Variants in MCC observed in about 807,000 individuals in gnomAD.
MCC encodes MCC regulator of Wnt signaling pathway.
In MCC, 90 loss-of-function variants were observed where a neutral mutation model predicts 116.2. That is an observed-to-expected ratio of 0.77 (90% confidence interval 0.65 to 0.92). The LOEUF (loss-of-function observed/expected upper bound fraction) is 0.92. Among genes scored for constraint, MCC ranks in the 40% least tolerant of loss-of-function variants. The pLI, the probability that MCC is intolerant of heterozygous loss-of-function variation, is 0.00. For missense variants in MCC, 1,516 were observed against 1,312.2 expected (o/e 1.16, Z -2.40); for synonymous variants, 578 against 510.5 (o/e 1.13, Z -1.78).
At chr5:113,194,619 C>A (rs1762304482) in intron 3 of MCC, among the ~76,000 whole-genome samples, 1 of 152,024 alleles carries the variant, frequency 6.6e-6, no homozygotes, top group African/African-American at 2.4e-5. Context: ...GATTACATCA[C>A]TGCACTTCAT....
intron 17 of MCC, among the ~76,000 whole-genome samples, chr5:113,042,221 C>T (rs1751753987): frequency 1.3e-5 from 2 of 149,548 alleles, no homozygotes; most frequent in Non-Finnish European, 3.0e-5. Context: ...CCTGTAATCC[C>T]AACATTTTGG....
chr5:113,192,935 G>T (rs781172501), intron 3 of MCC, among the ~76,000 whole-genome samples: 1 of 152,216 alleles, frequency 6.6e-6, no homozygotes, highest in Non-Finnish European at 1.5e-5. Flanking sequence ...CATGTTTATT[G>T]TCTACAGCTC....
At chr5:113,090,297 C>A (rs1423189083) in intron 8 of MCC, among the ~76,000 whole-genome samples, 1 of 151,540 alleles carries the variant, frequency 6.6e-6, no homozygotes, top group Non-Finnish European at 1.5e-5. Context: ...TCTATTTTCT[C>A]TGCTAGGCAT....
At chr5:113,426,520 C>A (rs941028624) in intron 1 of MCC, among the ~76,000 whole-genome samples, 5 of 152,166 alleles carry the variant, frequency 3.3e-5, no homozygotes, top group Non-Finnish European at 7.3e-5. Flanking sequence ...TAGGTGTCAT[C>A]ATTTCCTACT....
chr5:113,106,382 G>A (rs900543329), intron 6 of MCC, among the ~76,000 whole-genome samples: 2 of 148,646 alleles, frequency 1.3e-5, no homozygotes, highest in Non-Finnish European at 3.0e-5. Context: ...CATTCACTAT[G>A]CCCCATTCAC....
Position 113,276,061 on chromosome 5 carries a change from CAAGGCCACA to C in MCC, c.627+64449_627+64457del, listed in dbSNP as rs147692470. ...CAAAGGCCACAGGTGGCAAGAATCT[CAAGGCCACA>C]GTGGCCACATTGATTCTGGCCCCAA... On this transcript the variant is annotated intron_variant, in intron 3 of 18. Transcript: ENST00000408903. Among the ~76,000 whole-genome samples, 589 of 150,558 alleles carry C rather than the reference CAAGGCCACA, an allele frequency of 3.9e-3. 4 individuals carry two copies. The highest frequency in any genetic ancestry group is 0.013 in the African/African-American group (545 of 40,918).
At chr5:113,040,129 C>T (rs1045125862) in intron 17 of MCC, among the ~76,000 whole-genome samples, 4 of 151,424 alleles carry the variant, frequency 2.6e-5, no homozygotes, top group African/African-American at 4.9e-5. Flanking sequence ...AAATGTTCAC[C>T]GAAGTAGGGG....
rs1254480524 is a variant in MCC, at chr5:113,434,388, T to G, written c.171-49176A>C. The G allele has an allele frequency of 6.2e-7, 1 of 1,613,728 alleles. No individual in the cohort carries two copies. The highest frequency in any genetic ancestry group is 8.5e-7 in the Non-Finnish European group (1 of 1,179,952). On this transcript the variant is annotated intron_variant, in intron 1 of 18. Coordinates refer to ENST00000408903, the MANE Select transcript of MCC (RefSeq NM_001085377.2). This position sits in a 1 kb window ranked among gnomAD's most constrained non-coding sequence, Gnocchi z 4.2. ...CTTGGAGAAGCTGAAGTCGGACAGC[T>G]TGATGTTGAAGTCCTTGTCAAGGAG...
At chr5:113,222,723 T>C (rs1323059609) in intron 3 of MCC, among the ~76,000 whole-genome samples, 1 of 152,214 alleles carries the variant, frequency 6.6e-6, no homozygotes, top group Non-Finnish European at 1.5e-5. Context: ...GTTTGACTTA[T>C]GGGGCAATGA....
chr5:113,134,555 C>CTTTTTTTTTTTTTTTT, intron 5 of MCC, among the ~76,000 whole-genome samples: 1 of 30,126 alleles, frequency 3.3e-5, no homozygotes, highest in Non-Finnish European at 6.0e-5. Flanking sequence ...GCTATTTGGG[C>CTTTTTTTTTTTTTTTT]TTTTTTTTTT....
At chr5:113,083,550 C>G (rs572728572) in intron 10 of MCC, among the ~76,000 whole-genome samples, 7 of 152,206 alleles carry the variant, frequency 4.6e-5, no homozygotes, top group Non-Finnish European at 8.8e-5. Context: ...ATCCCCAATC[C>G]TAAAAGATCC....
intron 5 of MCC, among the ~76,000 whole-genome samples, chr5:113,140,262 A>T (rs1581143164): frequency 6.6e-6 from 1 of 152,260 alleles, no homozygotes; most frequent in East Asian, 1.9e-4. Context: ...CCTGGGATGA[A>T]ATAGTTACAG....
intron 3 of MCC, among the ~76,000 whole-genome samples, chr5:113,263,268 G>A (rs567125265): frequency 2.0e-5 from 3 of 152,294 alleles, no homozygotes; most frequent in South Asian, 2.1e-4. Context: ...AAATCTATGC[G>A]ACTGTGATGG....
At chr5:113,261,460 G>A (rs1447216755) in intron 3 of MCC, among the ~76,000 whole-genome samples, 1 of 152,040 alleles carries the variant, frequency 6.6e-6, no homozygotes, top group East Asian at 1.9e-4. Context: ...CAAGAAGTTT[G>A]CCCACCTTTT....
chr5:113,333,489 CT>C (rs1020591482), intron 3 of MCC, among the ~76,000 whole-genome samples: 20 of 151,506 alleles, frequency 1.3e-4, no homozygotes, highest in African/African-American at 4.2e-4. Context: ...CAACTCATGA[CT>C]TTTTTTCTCC....
intron 1 of MCC, among the ~76,000 whole-genome samples, chr5:113,468,255 G>T (rs201241265): frequency 6.6e-6 from 1 of 152,006 alleles, no homozygotes; most frequent in East Asian, 1.9e-4. Context: ...TCCCTGTCTT[G>T]TGCCAGTTTT....
At chr5:113,235,212 C>T (rs1225884997) in intron 3 of MCC, among the ~76,000 whole-genome samples, 3 of 152,194 alleles carry the variant, frequency 2.0e-5, no homozygotes, top group Non-Finnish European at 4.4e-5. Flanking sequence ...CAAAACTCTC[C>T]TCATCCTTTT....
intron 17 of MCC, among the ~76,000 whole-genome samples, chr5:113,037,832 A>AT (rs1317900447): frequency 7.2e-5 from 11 of 152,190 alleles, no homozygotes; most frequent in African/African-American, 2.7e-4. Context: ...GTGCTCTTGG[A>AT]AAGATGAATT....
At chr5:113,120,127 A>AG in intron 6 of MCC, among the ~76,000 whole-genome samples, 1 of 152,232 alleles carries the variant, frequency 6.6e-6, no homozygotes, top group Non-Finnish European at 1.5e-5. Flanking sequence ...TACAATGATA[A>AG]GCAATTTCTA....
Sources: gnomAD v4.1 joint callset for allele counts (sites outside exome capture counted in the v4.1 genomes callset) on GRCh38, gnomAD v4.1.1 for gene constraint, Gnocchi (gnomAD v3.1) non-coding constraint, MANE v1.5 for transcripts, NCBI Gene and HGNC (gene_info 2026-07-23, HGNC 2026-07-21) for gene names.